Variants in PARP16 observed in about 807,000 individuals in gnomAD.
PARP16 encodes protein mono-ADP-ribosyltransferase PARP16.
PARP16 carries 31 observed loss-of-function variants against 35.0 expected under a neutral mutation model. The observed-to-expected ratio is 0.88, with a 90% confidence interval of 0.66 to 1.19. The LOEUF is 1.19. PARP16 is among the 50% of genes most tolerant of loss of function. The pLI is 0.00. For missense variants in PARP16, 424 were observed against 411.2 expected (o/e 1.03, Z -0.27); for synonymous variants, 162 against 169.5 (o/e 0.96, Z 0.34).
At chr15:65,273,810 A>G (rs1294362840) in intron 1 of PARP16, among the ~76,000 whole-genome samples, 3 of 148,698 alleles carry the variant, frequency 2.0e-5, no homozygotes, top group African/African-American at 7.4e-5. Context: ...CAGGAGGTGG[A>G]GGTTGCAGTG....
At chr15:65,257,196 C>G (rs1454961860), downstream of PARP16, among the ~76,000 whole-genome samples, 1 of 152,128 alleles carries the variant, frequency 6.6e-6, no homozygotes, top group African/African-American at 2.4e-5. Context: ...GTGGGCAGAT[C>G]ACTTGAGGTC....
intron 2 of PARP16, among the ~76,000 whole-genome samples, chr15:65,267,678 C>CTTTTTT (rs556058787): frequency 0.032 from 1,692 of 53,060 alleles, 528 homozygotes; most frequent in African/African-American, 0.039. Flanking sequence ...ATTTTCCTAA[C>CTTTTTT]TTTTTTTTTT....
Position 65,261,038 on chromosome 15 carries a change from G to C in PARP16, c.692-12C>G, listed in dbSNP as rs1567021031. On this transcript the variant is annotated splice_polypyrimidine_tract_variant and intron_variant, in intron 4 of 5. Coordinates refer to ENST00000649807, the MANE Select transcript of PARP16 (RefSeq NM_001316943.2). ...TATCTCCTTGGAATCTGAATAAGGAGAGTAAAACACATCTTCACTGGGGGA... is the reference window on the plus strand; with the variant it reads ...TATCTCCTTGGAATCTGAATAAGGACAGTAAAACACATCTTCACTGGGGGA... 1.9e-6 allele frequency: 3 copies of C among 1,610,580 alleles called. No homozygotes were observed. Among genetic ancestry groups the C allele is most frequent in the South Asian group, 1.1e-5 (1 of 90,948 alleles).
At chr15:65,285,522 A>G in intron 1 of PARP16, 1 of 398,316 alleles carries the variant, frequency 2.5e-6, no homozygotes, top group Non-Finnish European at 5.0e-6. Flanking sequence ...TTGCTGGTAA[A>G]CAAGAATATG....
intron 1 of PARP16, among the ~76,000 whole-genome samples, chr15:65,279,768 G>C (rs1327732781): frequency 1.3e-5 from 2 of 151,926 alleles, no homozygotes; most frequent in South Asian, 2.1e-4. Context: ...TCAGTTACTA[G>C]AAAAATAGAA....
chr15:65,286,158 T>G, intron 1 of PARP16, 95 bp downstream of exon 1: 1 of 1,025,668 alleles, frequency 9.7e-7, no homozygotes, highest in African/African-American at 1.7e-5. Flanking sequence ...GCGGCTGTCA[T>G]GTTTACTAAT....
At chr15:65,286,176 G>C (rs2090587106) in intron 1 of PARP16, 77 bp downstream of exon 1, 1 of 1,192,974 alleles carries the variant, frequency 8.4e-7, no homozygotes, top group Non-Finnish European at 1.1e-6. Flanking sequence ...AATGCGGATG[G>C]AACTGCCTCT....
intron 1 of PARP16, among the ~76,000 whole-genome samples, chr15:65,283,658 C>A (rs1347607415): frequency 6.6e-6 from 1 of 152,176 alleles, no homozygotes; most frequent in South Asian, 2.1e-4. Flanking sequence ...TTCCCTGAGC[C>A]TGGCCCAAAG....
At chr15:65,249,184 TA>T (rs1487728445) in intron 2 of PARP16, among the ~76,000 whole-genome samples, 4 of 152,208 alleles carry the variant, frequency 2.6e-5, no homozygotes, top group African/African-American at 9.6e-5. Flanking sequence ...CTGTGGGAAT[TA>T]AAGGCCAGTG....
intron 2 of PARP16, among the ~76,000 whole-genome samples, chr15:65,250,460 C>A (rs907735178): frequency 7.9e-5 from 12 of 152,006 alleles, no homozygotes; most frequent in African/African-American, 2.9e-4. Flanking sequence ...CCTGGTTCTG[C>A]CTCTTTCTGG....
chr15:65,271,601 T>C (rs1490054789), intron 1 of PARP16, among the ~76,000 whole-genome samples: 1 of 152,040 alleles, frequency 6.6e-6, no homozygotes, highest in Non-Finnish European at 1.5e-5. Flanking sequence ...TTTTAAACTC[T>C]TTGGGTACCA....
At chr15:65,263,389 A>C in intron 3 of PARP16, 69 bp from the exon 4 acceptor site, 1 of 1,317,340 alleles carries the variant, frequency 7.6e-7, no homozygotes, top group South Asian at 1.4e-5. Context: ...GCAAGACGAC[A>C]CAGGTCTCTC....
Position 65,259,278 on chromosome 15 carries a change from T to A in PARP16, c.*129A>T, listed in dbSNP as rs947571256. The A allele has an allele frequency of 2.4e-6, 2 of 824,814 alleles. No homozygotes were observed. Among genetic ancestry groups the A allele is most frequent in the African/African-American group, 3.4e-5 (2 of 58,748 alleles). 51.1% of individuals were successfully genotyped at this position (824,814 alleles called of 1,614,324 possible). ...AGGCAATGGATACATTTAGGCCATA[T>A]GAAAATTGTCCTGTGGTCCCCCAAC... On this transcript the variant is annotated 3_prime_UTR_variant, in exon 6 of 6. Transcript: ENST00000649807.
downstream of PARP16, among the ~76,000 whole-genome samples, chr15:65,255,383 CATAA>C (rs560385859): frequency 2.6e-4 from 39 of 152,062 alleles, no homozygotes; most frequent in Non-Finnish European, 3.5e-4. Flanking sequence ...TGGTTTAGTA[CATAA>C]ATATATTCAT....
intron 2 of PARP16, among the ~76,000 whole-genome samples, chr15:65,267,480 G>A (rs1471500751): frequency 1.3e-5 from 2 of 149,882 alleles, no homozygotes; most frequent in Admixed American, 6.6e-5. Context: ...GGTGGTGGGC[G>A]CCTGTAGTCC....
chr15:65,248,055 C>T (rs551874000), intron 3 of PARP16: 11 of 412,340 alleles, frequency 2.7e-5, no homozygotes, highest in East Asian at 1.4e-4. Context: ...CCGCCCGCCT[C>T]GGCCTCCCAA....
chr15:65,286,629 C>T lies in PARP16; in HGVS notation c.-203G>A, dbSNP rs907568763. 4.7e-6 allele frequency: 2 copies of T among 423,968 alleles called. No homozygotes were observed. The highest frequency in any genetic ancestry group is 2.1e-5 in the African/African-American group (1 of 48,156). The allele number at this position is 423,968 out of a possible 1,614,324, so 26.3% of individuals were successfully genotyped here. Reference sequence around the variant, plus strand: ...CTCTGCCGGGGTCTGGGCCGCGGCTCGCCGCCGAAGAGAGAGACCGAGGCC... The same window carrying T: ...CTCTGCCGGGGTCTGGGCCGCGGCTTGCCGCCGAAGAGAGAGACCGAGGCC... On this transcript the variant is annotated 5_prime_UTR_variant, in exon 1 of 6. Coordinates refer to ENST00000649807, the MANE Select transcript of PARP16 (RefSeq NM_001316943.2).
downstream of PARP16, among the ~76,000 whole-genome samples, chr15:65,233,348 G>A (rs2088804356): frequency 6.6e-6 from 1 of 151,782 alleles, no homozygotes; most frequent in Admixed American, 6.6e-5. Context: ...CTTGCAGTGA[G>A]CCAAGATCGC....
intron 3 of PARP16, among the ~76,000 whole-genome samples, chr15:65,264,755 G>A (rs1424444253): frequency 6.6e-6 from 1 of 152,324 alleles, no homozygotes; most frequent in Middle Eastern, 3.4e-3. Context: ...GGGAAGCTCA[G>A]TGTATCTCTG....
Sources: gnomAD v4.1 joint callset for allele counts (sites outside exome capture counted in the v4.1 genomes callset) on GRCh38, gnomAD v4.1.1 for gene constraint, MANE v1.5 for transcripts, NCBI Gene and HGNC (gene_info 2026-07-23, HGNC 2026-07-21) for gene names.